Variants in SCHIP1 observed in about 807,000 individuals in gnomAD.
SCHIP1 encodes schwannomin interacting protein 1, also known as schwannomin-interacting protein 1.
Under a neutral mutation model 29.7 loss-of-function variants are expected in SCHIP1, and 8 were observed. The observed-to-expected ratio is 0.27, with a 90% CI of 0.16 to 0.49. The LOEUF is 0.49. Among genes scored for constraint, SCHIP1 ranks in the 20% least tolerant of loss-of-function variants. The probability of loss-of-function intolerance (pLI) is 0.99; values close to 1 mark genes in which losing one functional copy is unlikely to be tolerated. For missense variants in SCHIP1, 193 were observed against 294.6 expected (o/e 0.66, Z 2.52); for synonymous variants, 76 against 94.9 (o/e 0.80, Z 1.16).
chr3:159,579,593 G>C, the SCHIP1 span, among the ~76,000 whole-genome samples: 1 of 152,198 alleles, frequency 6.6e-6, no homozygotes. Flanking sequence ...TATCACCTGG[G>C]TGGTGGTGAT....
chr3:159,639,664 G>C, the SCHIP1 span, among the ~76,000 whole-genome samples: 1 of 152,132 alleles, frequency 6.6e-6, no homozygotes, highest in Admixed American at 6.6e-5. Flanking sequence ...TACATTAAAG[G>C]AACCATATGA....
At chr3:159,788,430 C>T in the SCHIP1 span, among the ~76,000 whole-genome samples, 1 of 152,166 alleles carries the variant, frequency 6.6e-6, no homozygotes, top group Non-Finnish European at 1.5e-5. Flanking sequence ...GAGTGTAGAG[C>T]GTTCTTTCAC....
chr3:159,878,203 C>T (rs182224603), intron 2 of SCHIP1, among the ~76,000 whole-genome samples: 58 of 152,332 alleles, frequency 3.8e-4, no homozygotes, highest in Middle Eastern at 3.4e-3. Context: ...CAAGGCCGGG[C>T]GCAGTGACTC....
the SCHIP1 span, among the ~76,000 whole-genome samples, chr3:159,549,829 C>T: frequency 2.6e-5 from 4 of 152,106 alleles, no homozygotes; most frequent in Non-Finnish European, 5.9e-5. Context: ...TCACTTCCTT[C>T]CAGAATCTGC....
the SCHIP1 span, among the ~76,000 whole-genome samples, chr3:159,676,502 A>G: frequency 6.6e-6 from 1 of 152,214 alleles, no homozygotes; most frequent in Non-Finnish European, 1.5e-5. Context: ...GTTGGCCTGA[A>G]TCTGTGACAA....
chr3:159,837,401 GC>G (rs1743763714), upstream of SCHIP1, among the ~76,000 whole-genome samples: 1 of 151,942 alleles, frequency 6.6e-6, no homozygotes, highest in African/African-American at 2.4e-5. Context: ...TTTTCCTTTG[GC>G]CTGCTCTTCT....
the SCHIP1 span, among the ~76,000 whole-genome samples, chr3:159,478,732 G>A: frequency 6.6e-6 from 1 of 151,984 alleles, no homozygotes; most frequent in African/African-American, 2.4e-5. Flanking sequence ...TTATTTATTT[G>A]TGTTTTCTTC....
the SCHIP1 span, among the ~76,000 whole-genome samples, chr3:159,543,848 T>A: frequency 3.3e-5 from 5 of 152,144 alleles, no homozygotes; most frequent in Non-Finnish European, 7.3e-5. Context: ...TGTAAAAGTG[T>A]TCCTATTTCT....
the SCHIP1 span, among the ~76,000 whole-genome samples, chr3:159,814,617 C>T: frequency 3.3e-5 from 5 of 152,186 alleles, no homozygotes; most frequent in African/African-American, 9.7e-5. Context: ...GCCCATGTGC[C>T]GCACATTTTG....
chr3:159,519,237 G>A, the SCHIP1 span, among the ~76,000 whole-genome samples: 1 of 152,146 alleles, frequency 6.6e-6, no homozygotes, highest in African/African-American at 2.4e-5. Context: ...TAAAAGAGAA[G>A]AAGCAATTAA....
At chr3:159,828,451 ACG>A in the SCHIP1 span, among the ~76,000 whole-genome samples, 1 of 128,698 alleles carries the variant, frequency 7.8e-6, no homozygotes, top group African/African-American at 3.0e-5. Context: ...GTATATATAT[ACG>A]TATATATATG....
the SCHIP1 span, chr3:159,309,188 T>C: frequency 9.7e-5 from 23 of 237,234 alleles, no homozygotes; most frequent in Non-Finnish European, 1.6e-4. Context: ...ATAAATATAC[T>C]TCCAAATATT....
chr3:159,514,081 C>T, the SCHIP1 span, among the ~76,000 whole-genome samples: 9 of 152,302 alleles, frequency 5.9e-5, no homozygotes, highest in South Asian at 2.1e-4. Context: ...AATTAACTTA[C>T]GCACATCTGG....
the SCHIP1 span, among the ~76,000 whole-genome samples, chr3:159,382,535 T>G: frequency 1.3e-5 from 2 of 152,132 alleles, no homozygotes; most frequent in Non-Finnish European, 2.9e-5. Flanking sequence ...GGTCCCAAGT[T>G]TTGCTATTGT....
chr3:159,559,296 T>C, the SCHIP1 span, among the ~76,000 whole-genome samples: 5 of 152,220 alleles, frequency 3.3e-5, no homozygotes, highest in Admixed American at 3.3e-4. Flanking sequence ...TATACAGAGT[T>C]ATCTTCAGTA....
chr3:159,840,302 T>C (rs1744110648), intron 1 of SCHIP1: 1 of 1,175,082 alleles, frequency 8.5e-7, no homozygotes, highest in Non-Finnish European at 1.2e-6. Context: ...TCTTTCCGGA[T>C]ATTCAGGGAT....
chr3:159,670,832 G>A, the SCHIP1 span, among the ~76,000 whole-genome samples: 1 of 152,032 alleles, frequency 6.6e-6, no homozygotes, highest in African/African-American at 2.4e-5. Flanking sequence ...GGTATATCCA[G>A]ATAGTGTTCT....
At chr3:159,682,962 A>G in the SCHIP1 span, among the ~76,000 whole-genome samples, 2 of 152,224 alleles carry the variant, frequency 1.3e-5, no homozygotes, top group South Asian at 4.1e-4. Flanking sequence ...TCTTCGGACC[A>G]CTTACATCAG....
At chr3:159,694,065 T>C in the SCHIP1 span, among the ~76,000 whole-genome samples, 1 of 152,320 alleles carries the variant, frequency 6.6e-6, no homozygotes, top group Non-Finnish European at 1.5e-5. Flanking sequence ...TGATATTCTG[T>C]GTATTTCTTA....
Sources: gnomAD v4.1 joint callset for allele counts (sites outside exome capture counted in the v4.1 genomes callset) on GRCh38, gnomAD v4.1.1 for gene constraint, MANE v1.5 for transcripts, NCBI Gene and HGNC (gene_info 2026-07-23, HGNC 2026-07-21) for gene names.